Variants in OPCML observed in about 807,000 individuals in gnomAD.
OPCML encodes opioid binding protein/cell adhesion molecule like.
OPCML carries 13 observed loss-of-function variants against 37.8 expected under a neutral mutation model. That is an observed-to-expected ratio of 0.34 (90% confidence interval 0.22 to 0.55). OPCML has a LOEUF of 0.55. OPCML is among the 20% of genes least tolerant of loss of function. OPCML has a pLI of 0.91. For synonymous variants in OPCML, 176 were observed against 168.8 expected, an observed-to-expected ratio of 1.04 and a Z score of -0.33; for missense variants, 341 against 435.6, an observed-to-expected ratio of 0.78 and a Z score of 1.93.
intron 1 of OPCML, among the ~76,000 whole-genome samples, chr11:133,158,076 T>G (rs1360240729): frequency 1.3e-5 from 2 of 152,170 alleles, no homozygotes; most frequent in Non-Finnish European, 2.9e-5. Context: ...GGAACTTGGC[T>G]CTGGAAAAAG....
intron 2 of OPCML, among the ~76,000 whole-genome samples, chr11:132,888,447 G>A (rs549145874): frequency 6.6e-6 from 1 of 152,156 alleles, no homozygotes; most frequent in Non-Finnish European, 1.5e-5. Context: ...TCATGGAGAA[G>A]GAACGTGAAG....
At chr11:133,023,588 C>T (rs549290643) in intron 1 of OPCML, among the ~76,000 whole-genome samples, 2 of 152,120 alleles carry the variant, frequency 1.3e-5, no homozygotes, top group African/African-American at 2.4e-5. Flanking sequence ...ATCTAGGCTC[C>T]GCTGGAGCTG....
chr11:132,581,392 C>A (rs2096461730), intron 3 of OPCML, among the ~76,000 whole-genome samples: 1 of 152,200 alleles, frequency 6.6e-6, no homozygotes, highest in Admixed American at 6.5e-5. Flanking sequence ...CTATAGGTGT[C>A]AGGCTAACTG....
intron 1 of OPCML, among the ~76,000 whole-genome samples, chr11:133,217,925 G>T (rs1231337132): frequency 6.6e-6 from 1 of 151,896 alleles, no homozygotes; most frequent in Non-Finnish European, 1.5e-5. Flanking sequence ...GCATGCCTGT[G>T]GTCCCAGCTA....
chr11:132,420,412 A>C, intron 7 of OPCML, 119 bp from the exon 8 acceptor site: 1 of 1,435,914 alleles, frequency 7.0e-7, no homozygotes. Flanking sequence ...TGACCATTCC[A>C]AGTCTAAACA....
intron 1 of OPCML, among the ~76,000 whole-genome samples, chr11:133,529,398 AC>A (rs1467764694): frequency 1.3e-5 from 2 of 152,010 alleles, no homozygotes; most frequent in Admixed American, 6.5e-5. Context: ...CAACAAAATT[AC>A]CCCAACCAGG....
intron 2 of OPCML, among the ~76,000 whole-genome samples, chr11:132,870,367 T>TTG (rs1362372944): frequency 6.6e-6 from 1 of 152,168 alleles, no homozygotes; most frequent in Non-Finnish European, 1.5e-5. Context: ...ATAACACATG[T>TTG]TGGCCAGTGT....
At chr11:133,441,998 A>C (rs993662214) in intron 1 of OPCML, among the ~76,000 whole-genome samples, 9 of 152,178 alleles carry the variant, frequency 5.9e-5, no homozygotes, top group Admixed American at 5.9e-4. Flanking sequence ...AATAATACCT[A>C]ATGTTTATTG....
intron 2 of OPCML, among the ~76,000 whole-genome samples, chr11:132,816,873 G>A (rs766027613): frequency 9.8e-5 from 15 of 152,320 alleles, no homozygotes; most frequent in Middle Eastern, 3.4e-3. Context: ...AAGAGCTTCA[G>A]TTCTTTATTG....
At chr11:132,802,132 A>AATAAG (rs1938691739) in intron 2 of OPCML, among the ~76,000 whole-genome samples, 1 of 152,174 alleles carries the variant, frequency 6.6e-6, no homozygotes, top group Non-Finnish European at 1.5e-5. Context: ...CTTCTGACTC[A>AATAAG]AACTGTTACC....
At chr11:132,754,623 A>G (rs1044332329) in intron 2 of OPCML, among the ~76,000 whole-genome samples, 13 of 152,312 alleles carry the variant, frequency 8.5e-5, no homozygotes, top group South Asian at 8.3e-4. Context: ...ACCATGTCAC[A>G]TAATGAGAAC....
At chr11:132,621,193 G>A (rs773081553) in intron 3 of OPCML, among the ~76,000 whole-genome samples, 7 of 152,166 alleles carry the variant, frequency 4.6e-5, no homozygotes, top group South Asian at 2.1e-4. Context: ...TAAGTGAAAC[G>A]TTCAAATATT....
intron 3 of OPCML, among the ~76,000 whole-genome samples, chr11:132,634,502 G>A (rs1452025899): frequency 6.6e-6 from 1 of 152,140 alleles, no homozygotes; most frequent in Non-Finnish European, 1.5e-5. Context: ...TCCTGCCTGA[G>A]CCCATGCCTC....
intron 1 of OPCML, among the ~76,000 whole-genome samples, chr11:133,184,185 G>A (rs1937966805): frequency 6.6e-6 from 1 of 152,146 alleles, no homozygotes; most frequent in African/African-American, 2.4e-5. Context: ...TTCCTCACTC[G>A]CTTAACACTT....
At chr11:133,074,690 T>C (rs971707481) in intron 1 of OPCML, among the ~76,000 whole-genome samples, 3 of 152,188 alleles carry the variant, frequency 2.0e-5, no homozygotes, top group African/African-American at 7.2e-5. Flanking sequence ...AGCAGCAGGA[T>C]ATTCTGCTTG....
At chr11:133,525,840 G>A (rs954110728) in intron 1 of OPCML, among the ~76,000 whole-genome samples, 1 of 152,176 alleles carries the variant, frequency 6.6e-6, no homozygotes, top group Non-Finnish European at 1.5e-5. Context: ...CATGCTAAGT[G>A]CAAGGAGCCA....
At chr11:132,978,321 G>A (rs939477528) in intron 1 of OPCML, among the ~76,000 whole-genome samples, 8 of 152,176 alleles carry the variant, frequency 5.3e-5, no homozygotes, top group Admixed American at 1.3e-4. Context: ...GAAAGGAATG[G>A]TGTGATCAGA....
intron 4 of OPCML, among the ~76,000 whole-genome samples, chr11:132,484,231 C>A (rs1350891596): frequency 1.3e-5 from 2 of 152,006 alleles, no homozygotes; most frequent in African/African-American, 2.4e-5. Context: ...GAAAAAAACA[C>A]ACAACTCCAT....
chr11:133,483,709 T>C (rs945948830), intron 1 of OPCML, among the ~76,000 whole-genome samples: 54 of 146,964 alleles, frequency 3.7e-4, no homozygotes, highest in African/African-American at 1.4e-3. Context: ...GATAGATAGA[T>C]AGATAGATAG....
Sources: gnomAD v4.1 joint callset for allele counts (sites outside exome capture counted in the v4.1 genomes callset) on GRCh38, gnomAD v4.1.1 for gene constraint, MANE v1.5 for transcripts, NCBI Gene and HGNC (gene_info 2026-07-23, HGNC 2026-07-21) for gene names.